Variants in RAPGEF5 observed in about 807,000 individuals in gnomAD.
RAPGEF5 encodes the protein Rap guanine nucleotide exchange factor 5.
RAPGEF5 carries 65 observed loss-of-function variants against 125.2 expected under a neutral mutation model. The observed-to-expected ratio is 0.52, with a 90% confidence interval of 0.43 to 0.64. RAPGEF5 has a LOEUF of 0.64. Ranked by LOEUF, RAPGEF5 falls within the 30% of genes least tolerant of loss-of-function variation. The probability of loss-of-function intolerance (pLI) is 0.00; values close to 1 mark genes in which losing one functional copy is unlikely to be tolerated. For missense variants in RAPGEF5, 958 were observed against 1,048.1 expected (o/e 0.91, Z 1.19); for synonymous variants, 391 against 385.9 (o/e 1.01, Z -0.16).
At chr7:22,243,528 T>C (rs979560063) in intron 7 of RAPGEF5, among the ~76,000 whole-genome samples, 28 of 152,132 alleles carry the variant, frequency 1.8e-4, no homozygotes, top group African/African-American at 6.5e-4. Flanking sequence ...AGTGCTAGGA[T>C]TACAGGCATG....
intron 14 of RAPGEF5, 50 bp downstream of exon 14, chr7:22,160,468 T>C: frequency 6.7e-7 from 1 of 1,503,624 alleles, no homozygotes; most frequent in Non-Finnish European, 8.9e-7. Context: ...TCTATCATAT[T>C]TGCTGCTGTT....
chr7:22,272,255 A>G (rs1782447448), intron 6 of RAPGEF5, among the ~76,000 whole-genome samples: 1 of 151,046 alleles, frequency 6.6e-6, no homozygotes, highest in African/African-American at 2.4e-5. Flanking sequence ...AGGCAGGAGA[A>G]TCACTTGAAC....
intron 11 of RAPGEF5, among the ~76,000 whole-genome samples, chr7:22,179,004 G>A (rs557823491): frequency 1.3e-5 from 2 of 152,228 alleles, no homozygotes; most frequent in South Asian, 4.2e-4. Context: ...AGAAACTCTT[G>A]TGTTAAGAAT....
At chr7:22,236,006 C>G (rs1401809602) in intron 7 of RAPGEF5, among the ~76,000 whole-genome samples, 2 of 152,164 alleles carry the variant, frequency 1.3e-5, no homozygotes, top group East Asian at 1.9e-4. Flanking sequence ...TAAAGCCACT[C>G]CATATGGTAT....
intron 5 of RAPGEF5, among the ~76,000 whole-genome samples, chr7:22,306,262 T>A (rs993867625): frequency 2.6e-5 from 4 of 152,216 alleles, no homozygotes; most frequent in Non-Finnish European, 4.4e-5. Context: ...ATAAGCCATT[T>A]TAACTGGGGT....
intron 7 of RAPGEF5, among the ~76,000 whole-genome samples, chr7:22,237,555 C>G (rs889472550): frequency 3.3e-5 from 5 of 151,834 alleles, no homozygotes; most frequent in Non-Finnish European, 7.4e-5. Context: ...TTCATTCATC[C>G]TGATTGCTTC....
At chr7:22,327,204 T>G (rs1404733207) in intron 1 of RAPGEF5, among the ~76,000 whole-genome samples, 1 of 152,232 alleles carries the variant, frequency 6.6e-6, no homozygotes, top group Non-Finnish European at 1.5e-5. Flanking sequence ...ATCTTGCACA[T>G]AACACTCTCT....
At chr7:22,222,909 G>A (rs559870885) in intron 8 of RAPGEF5, among the ~76,000 whole-genome samples, 1 of 152,230 alleles carries the variant, frequency 6.6e-6, no homozygotes, top group East Asian at 1.9e-4. Context: ...GGTAGAGCCA[G>A]CAGATTTTGC....
chr7:22,233,843 T>C (rs1398132499), intron 7 of RAPGEF5, among the ~76,000 whole-genome samples: 1 of 152,220 alleles, frequency 6.6e-6, no homozygotes, highest in African/African-American at 2.4e-5. Flanking sequence ...ATGCTATGTT[T>C]ATTGTCACAT....
intron 23 of RAPGEF5, among the ~76,000 whole-genome samples, chr7:22,135,321 T>C (rs1411355118): frequency 6.6e-6 from 1 of 152,190 alleles, no homozygotes; most frequent in Non-Finnish European, 1.5e-5. Context: ...CCCCTTTCCC[T>C]GGAAGCATAC....
chr7:22,355,212 C>T (rs2128390538), intron 1 of RAPGEF5, among the ~76,000 whole-genome samples: 1 of 152,194 alleles, frequency 6.6e-6, no homozygotes, highest in South Asian at 2.1e-4. Flanking sequence ...TCTGAGGTAA[C>T]CACATTCAGA....
chr7:22,136,087 G>T lies in RAPGEF5; in HGVS notation c.2367C>A (p.Phe789Leu), dbSNP rs1482919960. 2 of 1,612,854 alleles carry T rather than the reference G, an allele frequency of 1.2e-6. No homozygotes were observed. The highest frequency in any genetic ancestry group is 2.7e-5 in the African/African-American group (2 of 74,956). ...GGATTTTTGGTGGCTTCATCTTTTT[G>T]AATGCATCTCTGTAGGCTTTGTGAT... is the stretch of plus-strand genomic sequence containing the variant. ...SLNHKAYRDA[F>L]KKMKPPKIPF... Residue 789 changes from phenylalanine (F) to leucine (L), a missense_variant, in exon 23 of 26, where the codon TTC becomes TTA. Phe to Leu is a conservative substitution (Grantham distance 22). Transcript: ENST00000665637.
chr7:22,230,799 T>G (rs1373057668), intron 8 of RAPGEF5, 47 bp downstream of exon 8: 11 of 1,503,996 alleles, frequency 7.3e-6, no homozygotes, highest in Non-Finnish European at 1.0e-5. Context: ...CTCACCACCC[T>G]CAACACAGAA....
chr7:22,219,095 G>A (rs1028305409), intron 9 of RAPGEF5, among the ~76,000 whole-genome samples: 3 of 152,088 alleles, frequency 2.0e-5, no homozygotes, highest in East Asian at 1.9e-4. Flanking sequence ...ATGTATAAGC[G>A]CAGAGGAATT....
At chr7:22,351,737 T>C (rs544974773) in intron 1 of RAPGEF5, among the ~76,000 whole-genome samples, 2 of 152,316 alleles carry the variant, frequency 1.3e-5, no homozygotes, top group Admixed American at 6.5e-5. Context: ...GCCTGTAAAA[T>C]AGGTGCCTAA....
intron 25 of RAPGEF5, among the ~76,000 whole-genome samples, chr7:22,124,645 A>G (rs1476088656): frequency 1.3e-5 from 2 of 152,224 alleles, no homozygotes; most frequent in African/African-American, 2.4e-5. Context: ...TCTACTTTAT[A>G]TAGACTTCTA....
intron 1 of RAPGEF5, among the ~76,000 whole-genome samples, chr7:22,320,382 A>T (rs189391722): frequency 9.2e-5 from 14 of 152,296 alleles, no homozygotes; most frequent in Admixed American, 8.5e-4. Flanking sequence ...CAAGGGCCAA[A>T]GGCTTAAAGG....
intron 9 of RAPGEF5, among the ~76,000 whole-genome samples, chr7:22,210,168 T>C (rs1156407957): frequency 1.3e-5 from 2 of 152,206 alleles, no homozygotes; most frequent in African/African-American, 4.8e-5. Context: ...CTCAGACTGA[T>C]GGTGAAAAAT....
In RAPGEF5 at chr7:22,119,489, T is replaced by G. The variant is rs532027860; in HGVS notation, c.*2917A>C. 6.6e-6 allele frequency: 1 copy of G among 152,308 alleles called. No homozygotes were observed. Among genetic ancestry groups the G allele is most frequent in the East Asian group, 1.9e-4 (1 of 5,184 alleles). 9.4% of individuals were successfully genotyped at this position (152,308 alleles called of 1,614,324 possible). On this transcript the variant is annotated 3_prime_UTR_variant, in exon 26 of 26. Coordinates refer to ENST00000665637, the MANE Select transcript of RAPGEF5 (RefSeq NM_012294.5). This position sits in a 1 kb window ranked among gnomAD's most constrained non-coding sequence, Gnocchi z 4.1. ...AAAACACCACACTCTAGGGAACACC[T>G]GCAAATGTGTATGTAAAACAAAATT...
Sources: allele counts gnomAD v4.1 joint callset (sites outside exome capture counted in the v4.1 genomes callset), GRCh38; gene constraint gnomAD v4.1.1; non-coding constraint Gnocchi (gnomAD v3.1); transcripts MANE v1.5; gene names NCBI Gene and HGNC (gene_info 2026-07-23, HGNC 2026-07-21).